Variants in LRP1B observed in about 807,000 individuals in gnomAD.
LRP1B encodes the protein low-density lipoprotein receptor-related protein 1B.
A neutral mutation model predicts 556.6 loss-of-function variants in LRP1B; 217 were observed. That is an observed-to-expected ratio of 0.39 (90% CI 0.35 to 0.44). The LOEUF is 0.44. Ranked by LOEUF, LRP1B falls within the 20% of genes least tolerant of loss-of-function variation. The pLI is 1.00. For missense variants in LRP1B, 5,053 were observed against 5,620.8 expected (o/e 0.90, Z 3.23); for synonymous variants, 2,047 against 1,865.8 (o/e 1.10, Z -2.50).
At chr2:140,663,961 G>A (rs879712375) in intron 41 of LRP1B, among the ~76,000 whole-genome samples, 3 of 152,024 alleles carry the variant, frequency 2.0e-5, no homozygotes, top group Admixed American at 6.5e-5. Context: ...CAATATTGTT[G>A]TGCCTCAGGG....
At chr2:141,648,074 G>A (rs1689645555) in intron 2 of LRP1B, among the ~76,000 whole-genome samples, 1 of 151,982 alleles carries the variant, frequency 6.6e-6, no homozygotes, top group South Asian at 2.1e-4. Context: ...GTTATGGTGA[G>A]ACGAATCATG....
At chr2:141,573,844 T>G (rs988813060) in intron 2 of LRP1B, among the ~76,000 whole-genome samples, 2 of 152,070 alleles carry the variant, frequency 1.3e-5, no homozygotes, top group African/African-American at 4.8e-5. Flanking sequence ...TTAGAAAACC[T>G]AGAAGAAATG....
intron 1 of LRP1B, among the ~76,000 whole-genome samples, chr2:141,994,526 G>A (rs1460178702): frequency 6.6e-6 from 1 of 152,078 alleles, no homozygotes; most frequent in African/African-American, 2.4e-5. Flanking sequence ...TATACTGTGT[G>A]AGTATACATG....
At chr2:141,677,521 G>A (rs1046314053) in intron 2 of LRP1B, among the ~76,000 whole-genome samples, 3 of 151,770 alleles carry the variant, frequency 2.0e-5, no homozygotes, top group Non-Finnish European at 2.9e-5. Context: ...ATGGAATTTC[G>A]CTCTGTTGCC....
At chr2:141,036,203 T>C (rs1698528466) in intron 11 of LRP1B, among the ~76,000 whole-genome samples, 1 of 151,818 alleles carries the variant, frequency 6.6e-6, no homozygotes. Context: ...TGTCAGAGCA[T>C]GGGAAGAAGA....
chr2:140,657,868 C>G (rs936637927), intron 41 of LRP1B, among the ~76,000 whole-genome samples: 2 of 151,582 alleles, frequency 1.3e-5, no homozygotes, highest in African/African-American at 4.8e-5. Context: ...CGAAGTAACC[C>G]GATGGTACAG....
At chr2:141,516,966 G>A in intron 2 of LRP1B, among the ~76,000 whole-genome samples, 1 of 130,186 alleles carries the variant, frequency 7.7e-6, no homozygotes, top group African/African-American at 2.9e-5. Context: ...CAAATTGCTG[G>A]GATTACAGGT....
intron 3 of LRP1B, among the ~76,000 whole-genome samples, chr2:141,407,615 C>T (rs780537663): frequency 1.4e-4 from 21 of 152,172 alleles, no homozygotes; most frequent in Non-Finnish European, 2.5e-4. Context: ...CCTTCCCCAC[C>T]ACTCTCTCTC....
intron 35 of LRP1B, among the ~76,000 whole-genome samples, chr2:140,719,024 A>G (rs765566798): frequency 8.5e-5 from 13 of 152,094 alleles, no homozygotes; most frequent in Non-Finnish European, 1.6e-4. Context: ...ACTTATCATT[A>G]TCAAACACAT....
chr2:142,049,535 C>T (rs892817467), intron 1 of LRP1B, among the ~76,000 whole-genome samples: 12 of 152,036 alleles, frequency 7.9e-5, no homozygotes, highest in East Asian at 5.8e-4. Flanking sequence ...GCCAATACTG[C>T]GTTCTCCTTG....
Position 140,495,758 on chromosome 2 carries a change from G to A in LRP1B, c.8851-10C>T. ...CAGGCCAGCATTTGCACTGGGAAAA[G>A]AAAAATGAGCATAATCAATTCATAT... On this transcript the variant is annotated splice_polypyrimidine_tract_variant and intron_variant, in intron 55 of 90. Transcript: ENST00000389484. The A allele has an allele frequency of 6.3e-7, 1 of 1,594,338 alleles. No homozygotes were observed. The highest frequency in any genetic ancestry group is 8.6e-7 in the Non-Finnish European group (1 of 1,164,522).
chr2:140,407,096 A>G (rs937311182), intron 66 of LRP1B, among the ~76,000 whole-genome samples: 3 of 152,148 alleles, frequency 2.0e-5, no homozygotes, highest in Admixed American at 1.3e-4. Flanking sequence ...TGGGAAAAGT[A>G]CATCCCATTC....
intron 1 of LRP1B, among the ~76,000 whole-genome samples, chr2:141,815,689 T>C (rs1289785407): frequency 1.3e-5 from 2 of 151,822 alleles, no homozygotes; most frequent in Admixed American, 6.6e-5. Flanking sequence ...AGGGGACAAA[T>C]AAGGGAATAA....
At chr2:141,837,935 G>A (rs990038041) in intron 1 of LRP1B, among the ~76,000 whole-genome samples, 2 of 152,116 alleles carry the variant, frequency 1.3e-5, no homozygotes, top group Admixed American at 6.6e-5. Flanking sequence ...GTGAAAAAAT[G>A]TATGTCATGT....
At chr2:140,951,239 T>A (rs1695705909) in intron 19 of LRP1B, among the ~76,000 whole-genome samples, 1 of 152,154 alleles carries the variant, frequency 6.6e-6, no homozygotes, top group Non-Finnish European at 1.5e-5. Context: ...CTCCTCTGTA[T>A]ATATTTGTAC....
intron 66 of LRP1B, among the ~76,000 whole-genome samples, chr2:140,395,967 T>A (rs903325421): frequency 2.0e-5 from 3 of 152,176 alleles, no homozygotes; most frequent in African/African-American, 4.8e-5. Flanking sequence ...TACACTCTCA[T>A]CTTTTGCCAA....
At chr2:141,878,657 T>C (rs1698851538) in intron 1 of LRP1B, among the ~76,000 whole-genome samples, 2 of 152,016 alleles carry the variant, frequency 1.3e-5, no homozygotes, top group Admixed American at 1.3e-4. Context: ...AATGTGTATA[T>C]TAACTTTCCT....
At chr2:141,052,276 T>C (rs1195883426) in intron 10 of LRP1B, among the ~76,000 whole-genome samples, 2 of 152,018 alleles carry the variant, frequency 1.3e-5, no homozygotes, top group Non-Finnish European at 1.5e-5. Context: ...TATTGATACA[T>C]TTGAAAATCA....
intron 2 of LRP1B, among the ~76,000 whole-genome samples, chr2:141,610,354 C>G (rs1297551426): frequency 1.7e-5 from 1 of 58,262 alleles, no homozygotes; most frequent in Admixed American, 2.0e-4. Flanking sequence ...AAAAAGAAAC[C>G]CTATTTCCAT....
Sources: allele counts gnomAD v4.1 joint callset (sites outside exome capture counted in the v4.1 genomes callset), GRCh38; gene constraint gnomAD v4.1.1; transcripts MANE v1.5; gene names NCBI Gene and HGNC (gene_info 2026-07-23, HGNC 2026-07-21).